The following CHD7 variants were observed in gnomAD, a reference collection of about 807,000 sequenced individuals.
The protein encoded by CHD7 is chromodomain helicase DNA binding protein 7.
A neutral mutation model predicts 307.3 loss-of-function variants in CHD7; 24 were observed. The observed-to-expected ratio is 0.08, with a 90% CI of 0.06 to 0.11. The LOEUF (loss-of-function observed/expected upper bound fraction) is 0.11, where lower values mean the gene tolerates loss of function less well. CHD7 is among the 10% of genes least tolerant of loss of function. The probability of loss-of-function intolerance (pLI) is 1.00; values close to 1 mark genes in which losing one functional copy is unlikely to be tolerated. For synonymous variants in CHD7, 1,363 were observed against 1,349.9 expected (o/e 1.01, Z -0.21); for missense variants, 3,106 against 3,727.1 (o/e 0.83, Z 4.34).
At chr8:60,741,141 A>G (rs1173898938) in intron 1 of CHD7, 118 bp from the exon 2 acceptor site, 2 of 413,642 alleles carry the variant, frequency 4.8e-6, no homozygotes, top group East Asian at 8.3e-5. Flanking sequence ...CGAGGGAGCT[A>G]GATTCGTATT....
chr8:60,831,950 G>A (rs1290164313), intron 15 of CHD7, among the ~76,000 whole-genome samples: 6 of 152,038 alleles, frequency 3.9e-5, no homozygotes, highest in Non-Finnish European at 7.4e-5. Context: ...CTGGAAGATA[G>A]TCTTAGAGTG....
At chr8:60,680,587 C>T (rs1004084975) in intron 1 of CHD7, among the ~76,000 whole-genome samples, 1 of 152,130 alleles carries the variant, frequency 6.6e-6, no homozygotes, top group Non-Finnish European at 1.5e-5. Context: ...GCCGGCCGCC[C>T]GCTTTGTGAG....
At chr8:60,714,157 A>G (rs976991975) in intron 1 of CHD7, among the ~76,000 whole-genome samples, 5 of 151,798 alleles carry the variant, frequency 3.3e-5, no homozygotes, top group Admixed American at 1.3e-4. Flanking sequence ...GCGCGAGGAC[A>G]TGAGGACGGC....
At chr8:60,830,717 A>C (rs1021668108) in intron 15 of CHD7, 140 bp downstream of exon 15, 1 of 892,692 alleles carries the variant, frequency 1.1e-6, no homozygotes, top group East Asian at 2.6e-5. Context: ...CCAGCTTCCC[A>C]CTTTCTGTGA....
rs559640868 is a variant in CHD7 at position 60,743,223 on chromosome 8, G to T, written c.1665+126G>T. 2.6e-5 allele frequency: 21 copies of T among 805,246 alleles called. No homozygotes were observed. The South Asian group carries it at 3.1e-4, about 12-fold the overall frequency. 49.9% of individuals were successfully genotyped at this position (805,246 alleles called of 1,614,324 possible). On this transcript the variant is annotated intron_variant, in intron 2 of 37. Transcript: ENST00000423902. ...ATTATGAGTGCCTTAATTTTTATTT[G>T]TTATTGGCTTATGCATTTATTTTAT...
chr8:60,759,494 C>CCTCTCCCTCTCCCTCCCT, intron 2 of CHD7, among the ~76,000 whole-genome samples: 1 of 148,714 alleles, frequency 6.7e-6, no homozygotes, highest in Non-Finnish European at 1.5e-5. Context: ...TCTCCCTCTC[C>CCTCTCCCTCTCCCTCCCT]CTCTCCCTCT....
At chr8:60,813,793 G>A (rs1812918716) in intron 7 of CHD7, among the ~76,000 whole-genome samples, 1 of 151,228 alleles carries the variant, frequency 6.6e-6, no homozygotes, top group African/African-American at 2.4e-5. Flanking sequence ...AGTTGTGTTT[G>A]TTAATATTTT....
intron 2 of CHD7, among the ~76,000 whole-genome samples, chr8:60,751,753 A>G (rs1432385303): frequency 6.6e-6 from 1 of 152,222 alleles, no homozygotes; most frequent in Non-Finnish European, 1.5e-5. Flanking sequence ...TTCGAGGGCT[A>G]GGACATGACT....
chr8:60,743,513 A>G (rs1809168325), intron 2 of CHD7, among the ~76,000 whole-genome samples: 1 of 152,204 alleles, frequency 6.6e-6, no homozygotes, highest in African/African-American at 2.4e-5. Context: ...AGTCTCCTCC[A>G]TCTCTCCTTT....
At chr8:60,855,059 C>A (rs993827428) in intron 32 of CHD7, 2 of 152,180 alleles carry the variant, frequency 1.3e-5, no homozygotes, top group South Asian at 4.1e-4. Flanking sequence ...TAATAATTCC[C>A]TGTGTAATTT....
At chr8:60,736,992 A>C (rs1467053896) in intron 1 of CHD7, among the ~76,000 whole-genome samples, 1 of 152,124 alleles carries the variant, frequency 6.6e-6, no homozygotes, top group Non-Finnish European at 1.5e-5. Context: ...TATATAAAAT[A>C]AATTTAATAA....
chr8:60,835,363 C>G (rs1804694455), intron 15 of CHD7, among the ~76,000 whole-genome samples: 1 of 152,092 alleles, frequency 6.6e-6, no homozygotes, highest in South Asian at 2.1e-4. Flanking sequence ...GCATAGAAGT[C>G]TTATGTCAAA....
chr8:60,838,363 T>G (rs1189424663), intron 19 of CHD7, 108 bp downstream of exon 19: 1 of 1,003,480 alleles, frequency 1.0e-6, no homozygotes, highest in Non-Finnish European at 1.5e-6. Flanking sequence ...TTAATCAAAT[T>G]AATCATTAAC....
chr8:60,769,780 G>A (rs1810629563), intron 2 of CHD7, among the ~76,000 whole-genome samples: 1 of 152,148 alleles, frequency 6.6e-6, no homozygotes, highest in South Asian at 2.1e-4. Context: ...AGTGATTCAA[G>A]GAAATACTTG....
intron 2 of CHD7, among the ~76,000 whole-genome samples, chr8:60,758,323 C>T (rs1428837674): frequency 1.3e-5 from 2 of 152,042 alleles, no homozygotes; most frequent in South Asian, 4.2e-4. Flanking sequence ...GGGGTTTCAC[C>T]GTGTTGCCCA....
intron 1 of CHD7, among the ~76,000 whole-genome samples, chr8:60,706,167 T>G (rs1807013575): frequency 6.6e-6 from 1 of 152,176 alleles, no homozygotes; most frequent in Admixed American, 6.5e-5. Flanking sequence ...GTGATTACAT[T>G]CATTGGATCT....
intron 1 of CHD7, among the ~76,000 whole-genome samples, chr8:60,688,101 C>T (rs886349187): frequency 8.5e-5 from 13 of 152,292 alleles, no homozygotes; most frequent in South Asian, 6.2e-4. Context: ...GTACCTAAAA[C>T]GACCAGGTCC....
chr8:60,749,955 C>T lies in CHD7; in HGVS notation c.1665+6858C>T, dbSNP rs188936947. The stretch of plus-strand genomic sequence containing the variant: ...TGAGTAACCTGTCTGCGTTTTTCCT[C>T]AACATCCAACAAGCTGGTTTATCCC... On this transcript the variant is annotated intron_variant, in intron 2 of 37. Transcript: ENST00000423902. 5.3e-5 allele frequency among the ~76,000 whole-genome samples: 8 copies of T among 152,312 alleles called. No individual in the cohort carries two copies. The East Asian group carries it at 1.5e-3, about 29-fold the overall frequency.
intron 19 of CHD7, among the ~76,000 whole-genome samples, chr8:60,841,021 G>C (rs188249221): frequency 6.6e-6 from 1 of 152,320 alleles, no homozygotes; most frequent in East Asian, 1.9e-4. Context: ...CATGCTCCAA[G>C]CATTGGTATG....
Sources: allele counts gnomAD v4.1 joint callset (sites outside exome capture counted in the v4.1 genomes callset), GRCh38; gene constraint gnomAD v4.1.1; transcripts MANE v1.5; gene names NCBI Gene and HGNC (gene_info 2026-07-23, HGNC 2026-07-21).